ZBTB44: variants seen among roughly 807,000 people sequenced by gnomAD.
ZBTB44 encodes the protein zinc finger and BTB domain containing 44.
Under a neutral mutation model 54.0 loss-of-function variants are expected in ZBTB44, and 15 were observed. The ratio of observed to expected loss-of-function variants is 0.28; its 90% CI spans 0.19 to 0.43. The LOEUF (loss-of-function observed/expected upper bound fraction) is 0.43. Ranked by LOEUF, ZBTB44 falls within the 20% of genes least tolerant of loss-of-function variation. ZBTB44 has a pLI of 1.00. For missense variants in ZBTB44, 487 were observed against 707.1 expected (o/e 0.69, Z 3.53); for synonymous variants, 230 against 250.1 (o/e 0.92, Z 0.76).
chr11:130,230,413 G>T lies in ZBTB44; in HGVS notation c.*1351C>A, dbSNP rs376918018. The T allele has an allele frequency of 6.8e-4, 72 of 105,400 alleles. No homozygotes were observed. The highest frequency in any genetic ancestry group is 4.5e-3 in the East Asian group (16 of 3,542). The allele number at this position is 105,400 out of a possible 1,614,324, so 6.5% of individuals were successfully genotyped here. A position where few individuals can be genotyped will look rare whatever the true frequency, so the allele number is the denominator to read the frequency against. On this transcript the variant is annotated 3_prime_UTR_variant, in exon 8 of 8. Transcript: ENST00000357899. ...GGCAAAGTATTTTAACAAGATGAAAGTTTTTTTTTTTTTTTTTTTTTGCTA... is the reference window on the plus strand; with the variant it reads ...GGCAAAGTATTTTAACAAGATGAAATTTTTTTTTTTTTTTTTTTTTTGCTA...
At chr11:130,281,544 T>G (rs1245442859) in intron 1 of ZBTB44, among the ~76,000 whole-genome samples, 1 of 150,842 alleles carries the variant, frequency 6.6e-6, no homozygotes, top group Non-Finnish European at 1.5e-5. Context: ...AATAAATAAA[T>G]AAATAAATAA....
At chr11:130,281,783 ACGGGG>A (rs1940540616) in intron 1 of ZBTB44, among the ~76,000 whole-genome samples, 2 of 151,260 alleles carry the variant, frequency 1.3e-5, no homozygotes, top group Admixed American at 6.6e-5. Context: ...TTTAGTAGAG[ACGGGG>A]TTTCGCCGGG....
At chr11:130,281,583 A>G (rs2134273950) in intron 1 of ZBTB44, among the ~76,000 whole-genome samples, 1 of 151,008 alleles carries the variant, frequency 6.6e-6, no homozygotes, top group African/African-American at 2.5e-5. Context: ...AAGTAGTTTT[A>G]TTGTTGTTGT....
In ZBTB44 at chr11:130,311,393, G is replaced by C. The variant is rs554000846; in HGVS notation, c.-57+2982C>G. Among the ~76,000 whole-genome samples the C allele has an allele frequency of 2.6e-5, 4 of 152,104 alleles. No individual in the cohort carries two copies. In the South Asian group the frequency reaches 8.3e-4, roughly 32 times the overall value. ...CTGGCTAATTTTTTTATTTTTTATA[G>C]AGATGGGGTCTCATCATGTTGCCCA... On this transcript the variant is annotated intron_variant, in intron 1 of 7. Transcript: ENST00000357899.
At chr11:130,257,695 C>T (rs1241821450) in intron 2 of ZBTB44, among the ~76,000 whole-genome samples, 1 of 152,104 alleles carries the variant, frequency 6.6e-6, no homozygotes, top group African/African-American at 2.4e-5. Context: ...TGCAGCAGCC[C>T]AGGGAAACTC....
intron 1 of ZBTB44, among the ~76,000 whole-genome samples, chr11:130,280,147 G>A (rs564007813): frequency 6.6e-6 from 1 of 152,266 alleles, no homozygotes; most frequent in East Asian, 1.9e-4. Flanking sequence ...ATTAGCAGGG[G>A]ATGGGTGTAA....
chr11:130,239,777 C>G (rs1402987759), intron 3 of ZBTB44, 35 bp downstream of exon 3: 1 of 1,562,122 alleles, frequency 6.4e-7, no homozygotes, highest in Non-Finnish European at 8.8e-7. Flanking sequence ...AAACACAACC[C>G]TTAAGAGGTA....
At chr11:130,262,555 T>G (rs1490410200) in intron 1 of ZBTB44, among the ~76,000 whole-genome samples, 1 of 152,230 alleles carries the variant, frequency 6.6e-6, no homozygotes, top group East Asian at 1.9e-4. Flanking sequence ...AATAGTTAGT[T>G]GATTGTCATC....
intron 1 of ZBTB44, chr11:130,310,588 T>A (rs577141062): frequency 4.7e-4 from 71 of 152,320 alleles, no homozygotes; most frequent in Non-Finnish European, 4.9e-4. Context: ...TAAAAGTACT[T>A]CTATGTGGCT....
chr11:130,239,457 C>T (rs1954258349), intron 3 of ZBTB44: 2 of 233,004 alleles, frequency 8.6e-6, no homozygotes, highest in East Asian at 1.1e-4. Context: ...TTCAACCACT[C>T]AACTCTGCCA....
At chr11:130,303,472 C>T (rs1010100776) in intron 1 of ZBTB44, among the ~76,000 whole-genome samples, 4 of 151,990 alleles carry the variant, frequency 2.6e-5, no homozygotes, top group African/African-American at 9.7e-5. Flanking sequence ...CCTGTCTCTA[C>T]TAAAAATACA....
chr11:130,301,916 A>C (rs1268495242), intron 1 of ZBTB44, among the ~76,000 whole-genome samples: 1 of 151,550 alleles, frequency 6.6e-6, no homozygotes, highest in Non-Finnish European at 1.5e-5. Context: ...GGTGGAGTGC[A>C]CCTGTAGTCC....
At chr11:130,252,149 T>C (rs916467407) in intron 2 of ZBTB44, among the ~76,000 whole-genome samples, 15 of 152,098 alleles carry the variant, frequency 9.9e-5, no homozygotes, top group Non-Finnish European at 4.4e-5. Context: ...AAACAGTCTT[T>C]AAACCAACAA....
At chr11:130,278,240 ACT>A (rs1046462240) in intron 1 of ZBTB44, among the ~76,000 whole-genome samples, 1 of 152,226 alleles carries the variant, frequency 6.6e-6, no homozygotes, top group African/African-American at 2.4e-5. Flanking sequence ...TGCTCAAAAC[ACT>A]GACATTAGCT....
In ZBTB44 at chr11:130,230,087, GT is replaced by G. The variant is rs1482626862; in HGVS notation, c.*1676del. On this transcript the variant is annotated 3_prime_UTR_variant, in exon 8 of 8. Transcript: ENST00000357899. ...TTATTCATTCAAGTAATAAGTCTCT[GT>G]TACAGAATTGCCACATTATACAGTA... is the stretch of plus-strand genomic sequence containing the variant. 1 of 152,006 alleles carries G rather than the reference GT, an allele frequency of 6.6e-6. No individual in the cohort carries two copies. Among genetic ancestry groups the G allele is most frequent in the East Asian group, 1.9e-4 (1 of 5,194 alleles). 9.4% of individuals were successfully genotyped at this position (152,006 alleles called of 1,614,324 possible).
intron 3 of ZBTB44, 121 bp from the exon 4 acceptor site, chr11:130,238,728 A>ATC: frequency 9.7e-7 from 1 of 1,027,924 alleles, no homozygotes; most frequent in Non-Finnish European, 1.3e-6. Flanking sequence ...AAACAGTTTA[A>ATC]CTGTTAGACT....
intron 1 of ZBTB44, among the ~76,000 whole-genome samples, chr11:130,273,636 C>T (rs1411175180): frequency 1.3e-5 from 2 of 152,194 alleles, no homozygotes; most frequent in Admixed American, 6.5e-5. Flanking sequence ...TAATGCTTCA[C>T]TGCAAGTGTA....
chr11:130,253,450 G>C (rs764856480), intron 2 of ZBTB44, among the ~76,000 whole-genome samples: 2 of 152,160 alleles, frequency 1.3e-5, no homozygotes, highest in African/African-American at 2.4e-5. Flanking sequence ...GCCAAATCAT[G>C]AGTGAACTCC....
chr11:130,294,410 T>C (rs1941502612), intron 1 of ZBTB44, among the ~76,000 whole-genome samples: 1 of 150,846 alleles, frequency 6.6e-6, no homozygotes, highest in African/African-American at 2.4e-5. Context: ...AGACTCTGTC[T>C]TAAAAAAATA....
Sources: allele counts gnomAD v4.1 joint callset (sites outside exome capture counted in the v4.1 genomes callset), GRCh38; gene constraint gnomAD v4.1.1; transcripts MANE v1.5; gene names NCBI Gene and HGNC (gene_info 2026-07-23, HGNC 2026-07-21).